Variants in RPS3 observed in about 807,000 individuals in gnomAD.
RPS3 encodes the protein small ribosomal subunit protein uS3.
Under a neutral mutation model 25.8 loss-of-function variants are expected in RPS3, and 2 were observed. The observed-to-expected ratio is 0.08, with a 90% CI of 0.03 to 0.24. RPS3 has a LOEUF of 0.24. RPS3 is among the 10% of genes least tolerant of loss of function. RPS3 has a pLI of 1.00. For synonymous variants in RPS3, 114 were observed against 114.2 expected, an observed-to-expected ratio of 1.00 and a Z score of 0.01; for missense variants, 107 against 307.1, an observed-to-expected ratio of 0.35 and a Z score of 4.87.
At chr11:75,402,244 G>A in intron 3 of RPS3, 108 bp from the exon 4 acceptor site, 1 of 1,551,690 alleles carries the variant, frequency 6.4e-7, no homozygotes, top group Non-Finnish European at 8.8e-7. Context: ...CCCGTGGGTT[G>A]GGCAAGCTTG....
At position 75,404,292 on chromosome 11, in the gene RPS3, T is replaced by A. The variant is rs1273457129; in HGVS notation, c.538+85T>A. On this transcript the variant is annotated intron_variant, in intron 5 of 6. Coordinates refer to ENST00000531188, the MANE Select transcript of RPS3 (RefSeq NM_001005.5). This position sits in a 1 kb window ranked among gnomAD's most constrained non-coding sequence, Gnocchi z 4.6. ...CATCTTAAGTATTTGGGGGAGTTTA[T>A]CATGGAAGTAGCTGGGCATGTTCAT... The A allele has an allele frequency of 4.0e-6, 5 of 1,247,736 alleles. No homozygotes were observed. The highest frequency in any genetic ancestry group is 1.8e-5 in the Admixed American group (1 of 54,974). The allele number at this position is 1,247,736 out of a possible 1,614,324, so 77.3% of individuals were successfully genotyped here.
chr11:75,409,590 C>T (rs1367949364), downstream of RPS3, among the ~76,000 whole-genome samples: 3 of 142,062 alleles, frequency 2.1e-5, no homozygotes, highest in African/African-American at 5.2e-5. Flanking sequence ...TACTTCTATC[C>T]ACACAGACCC....
downstream of RPS3, among the ~76,000 whole-genome samples, chr11:75,411,539 G>T (rs376583610): frequency 6.6e-6 from 1 of 151,898 alleles, no homozygotes; most frequent in African/African-American, 2.4e-5. Context: ...ACAGGTGCCC[G>T]CTACCATGCC....
At chr11:75,421,853 C>T (rs577872674) in exon 7 of RPS3, 5 of 152,188 alleles carry the variant, frequency 3.3e-5, no homozygotes, top group South Asian at 2.1e-4. Context: ...TGGGAACAGA[C>T]GCGAGCCTGC....
downstream of RPS3, among the ~76,000 whole-genome samples, chr11:75,410,550 G>T (rs1216518920): frequency 6.6e-6 from 1 of 151,874 alleles, no homozygotes; most frequent in Admixed American, 6.5e-5. Context: ...GACGATGGGC[G>T]GCCAGGCAGA....
intron 6 of RPS3, among the ~76,000 whole-genome samples, chr11:75,417,759 A>G (rs1948411396): frequency 6.6e-6 from 1 of 152,194 alleles, no homozygotes; most frequent in African/African-American, 2.4e-5. Flanking sequence ...CCAGAGTCAC[A>G]GCCCCAGGCC....
At chr11:75,399,777 TGAAGCGCAGAGA>T (rs1948176982) in intron 1 of RPS3, 200 bp downstream of exon 1, 1 of 579,684 alleles carries the variant, frequency 1.7e-6, no homozygotes, top group Non-Finnish European at 3.1e-6. Context: ...GGGTTCCAAG[TGAAGCGCAGAGA>T]GATGGGCACC....
intron 4 of RPS3, 167 bp from the exon 5 acceptor site, chr11:75,403,853 A>G (rs1032426233): frequency 1.6e-6 from 1 of 613,240 alleles, no homozygotes; most frequent in African/African-American, 1.9e-5. Context: ...ATATTACCCT[A>G]AGGTTCGGAA....
At chr11:75,413,304 G>A (rs1331621088) in intron 6 of RPS3, among the ~76,000 whole-genome samples, 6 of 151,528 alleles carry the variant, frequency 4.0e-5, no homozygotes, top group East Asian at 1.9e-4. Context: ...GCGGTGGTGC[G>A]ATCTCGACTC....
intron 6 of RPS3, among the ~76,000 whole-genome samples, chr11:75,419,939 C>G (rs140695654): frequency 6.6e-6 from 1 of 152,306 alleles, no homozygotes; most frequent in African/African-American, 2.4e-5. Flanking sequence ...AAATCTTGTT[C>G]TTTGGAAGAC....
At chr11:75,403,226 C>G (rs1309012963) in intron 4 of RPS3, 1 of 152,226 alleles carries the variant, frequency 6.6e-6, no homozygotes, top group East Asian at 1.9e-4. Flanking sequence ...AACAATGGTT[C>G]TCAAGATTAA....
intron 4 of RPS3, 53 bp downstream of exon 4, chr11:75,402,499 T>C: frequency 1.3e-6 from 2 of 1,539,118 alleles, no homozygotes; most frequent in Non-Finnish European, 8.9e-7. Flanking sequence ...TCAACATACA[T>C]GTCTGCCATT....
At chr11:75,401,791 A>C (rs747320853) in intron 3 of RPS3, 58 bp downstream of exon 3, 146 of 964,986 alleles carry the variant, frequency 1.5e-4, no homozygotes, top group Non-Finnish European at 2.4e-4. Flanking sequence ...ACTTCTAAAA[A>C]CTCTCAACTT....
Position 75,404,446 on chromosome 11 carries a change from C to A in RPS3, c.539-226C>A. 1 of 787,834 alleles carries A rather than the reference C, an allele frequency of 1.3e-6. No homozygotes were observed. The highest frequency in any genetic ancestry group is 2.3e-6 in the Non-Finnish European group (1 of 432,484). The allele number at this position is 787,834 out of a possible 1,614,324, so 48.8% of individuals were successfully genotyped here. On this transcript the variant is annotated intron_variant, in intron 5 of 6. Coordinates refer to ENST00000531188, the MANE Select transcript of RPS3 (RefSeq NM_001005.5). This position sits in a 1 kb window ranked among gnomAD's most constrained non-coding sequence, Gnocchi z 4.6. The stretch of plus-strand genomic sequence containing the variant: ...CTTCAGTGATGACACGATGACGAGT[C>A]AGAAAGGTCACGTCCTGCTCTTGGT...
chr11:75,410,909 C>G (rs1592029941), downstream of RPS3, among the ~76,000 whole-genome samples: 1 of 152,320 alleles, frequency 6.6e-6, no homozygotes, highest in East Asian at 1.9e-4. Flanking sequence ...GACAGTCTCG[C>G]TCTGTCACCC....
chr11:75,417,505 G>C (rs930212047), intron 6 of RPS3, among the ~76,000 whole-genome samples: 2 of 152,232 alleles, frequency 1.3e-5, no homozygotes, highest in South Asian at 4.1e-4. Context: ...GCTGAGGCAG[G>C]AGAATGGCGT....
intron 6 of RPS3, among the ~76,000 whole-genome samples, chr11:75,421,055 C>A (rs1345046524): frequency 6.6e-6 from 1 of 152,156 alleles, no homozygotes; most frequent in Non-Finnish European, 1.5e-5. Context: ...TGATATGATG[C>A]CTTCTTTGCT....
rs1205057086 is a variant in RPS3, at chr11:75,402,634, A to G, written c.350+188A>G. On this transcript the variant is annotated intron_variant, in intron 4 of 6. Transcript: ENST00000531188. ...TAACAAGACTACTAAAGCAGCAAGA[A>G]CTGTAAAGGGTGGTCAGTCCTGTAA... is the stretch of plus-strand genomic sequence containing the variant. 4 of 537,594 alleles carry G rather than the reference A, an allele frequency of 7.4e-6. No homozygotes were observed. In the African/African-American group the frequency reaches 7.6e-5, roughly 10 times the overall value. The allele number at this position is 537,594 out of a possible 1,614,324, so 33.3% of individuals were successfully genotyped here. A position where few individuals can be genotyped will look rare whatever the true frequency, so the allele number is the denominator to read the frequency against.
intron 6 of RPS3, among the ~76,000 whole-genome samples, chr11:75,417,387 G>A (rs532645681): frequency 1.3e-5 from 2 of 152,240 alleles, no homozygotes; most frequent in African/African-American, 4.8e-5. Context: ...CAAAGGTCAG[G>A]AGTCGAGACC....
Sources: allele counts gnomAD v4.1 joint callset (sites outside exome capture counted in the v4.1 genomes callset), GRCh38; gene constraint gnomAD v4.1.1; non-coding constraint Gnocchi (gnomAD v3.1); transcripts MANE v1.5; gene names NCBI Gene and HGNC (gene_info 2026-07-23, HGNC 2026-07-21).